The following ROBO2 variants were observed in gnomAD, a reference collection of about 807,000 sequenced individuals.
ROBO2 encodes the protein roundabout guidance receptor 2, also known as roundabout homolog 2.
ROBO2 carries 53 observed loss-of-function variants against 160.8 expected under a neutral mutation model. The ratio of observed to expected loss-of-function variants is 0.33; its 90% CI spans 0.26 to 0.41. ROBO2 has a LOEUF of 0.41. Ranked by LOEUF, ROBO2 falls within the 10% of genes least tolerant of loss-of-function variation. The pLI, the probability that ROBO2 is intolerant of heterozygous loss-of-function variation, is 1.00. For missense variants in ROBO2, 1,577 were observed against 1,722.4 expected (o/e 0.92, Z 1.49); for synonymous variants, 664 against 611.7 (o/e 1.09, Z -1.26).
At chr3:75,920,146 A>G (rs555542123) in intron 1 of ROBO2, among the ~76,000 whole-genome samples, 5 of 152,232 alleles carry the variant, frequency 3.3e-5, no homozygotes, top group African/African-American at 9.6e-5. Context: ...GATCTTTCCC[A>G]CTTTCTGATA....
intron 2 of ROBO2, among the ~76,000 whole-genome samples, chr3:76,687,128 C>T (rs529565851): frequency 2.6e-5 from 4 of 152,060 alleles, no homozygotes; most frequent in South Asian, 4.1e-4. Flanking sequence ...TAGGTAAATA[C>T]GTATTGCAGC....
intron 2 of ROBO2, among the ~76,000 whole-genome samples, chr3:76,628,593 T>A (rs912536377): frequency 2.0e-5 from 3 of 152,180 alleles, no homozygotes; most frequent in African/African-American, 7.2e-5. Flanking sequence ...ACTATCTCAT[T>A]TCATGCCTCT....
upstream of ROBO2, among the ~76,000 whole-genome samples, chr3:77,037,133 G>A (rs1180051933): frequency 6.6e-6 from 1 of 152,042 alleles, no homozygotes; most frequent in East Asian, 1.9e-4. Context: ...ACTCGTTACT[G>A]TTGCTAATTT....
chr3:76,326,805 T>G (rs1195259838), intron 2 of ROBO2, among the ~76,000 whole-genome samples: 1 of 123,338 alleles, frequency 8.1e-6, no homozygotes, highest in East Asian at 2.5e-4. Flanking sequence ...GAGCGTGATG[T>G]TCCCCTTCCT....
intron 1 of ROBO2, among the ~76,000 whole-genome samples, chr3:77,054,179 T>C (rs1222243162): frequency 6.6e-6 from 1 of 152,100 alleles, no homozygotes; most frequent in East Asian, 1.9e-4. Context: ...CTTTTTAGAG[T>C]GAATATAGCA....
intron 2 of ROBO2, among the ~76,000 whole-genome samples, chr3:77,165,963 C>G (rs1159091258): frequency 6.6e-6 from 1 of 152,166 alleles, no homozygotes; most frequent in Non-Finnish European, 1.5e-5. Flanking sequence ...TACTATTTTG[C>G]TGAAGTCTAT....
chr3:77,408,980 T>A (rs1463084622), intron 2 of ROBO2, among the ~76,000 whole-genome samples: 4 of 151,898 alleles, frequency 2.6e-5, no homozygotes, highest in African/African-American at 9.7e-5. Flanking sequence ...GTGATCCTCT[T>A]GCCTCGTCCT....
At chr3:76,396,258 C>T (rs1315441859) in intron 2 of ROBO2, among the ~76,000 whole-genome samples, 2 of 151,974 alleles carry the variant, frequency 1.3e-5, no homozygotes, top group Non-Finnish European at 2.9e-5. Context: ...AAAGGCCTCT[C>T]ACAAAATTCA....
intron 2 of ROBO2, among the ~76,000 whole-genome samples, chr3:77,233,986 T>C (rs1354908159): frequency 6.6e-6 from 1 of 152,226 alleles, no homozygotes; most frequent in African/African-American, 2.4e-5. Flanking sequence ...GATTTATAAA[T>C]ATTCCTGAAG....
intron 2 of ROBO2, among the ~76,000 whole-genome samples, chr3:76,471,955 A>G (rs1258703343): frequency 6.6e-6 from 1 of 152,116 alleles, no homozygotes; most frequent in Non-Finnish European, 1.5e-5. Context: ...GTGACCTCCC[A>G]TCAGGTCCCT....
intron 2 of ROBO2, among the ~76,000 whole-genome samples, chr3:76,386,791 A>G (rs559525319): frequency 1.3e-5 from 2 of 152,264 alleles, no homozygotes; most frequent in African/African-American, 4.8e-5. Context: ...ATGCTTTGCA[A>G]GTTCCAACTG....
At chr3:76,998,525 A>G (rs1463113935) in intron 2 of ROBO2, among the ~76,000 whole-genome samples, 1 of 152,188 alleles carries the variant, frequency 6.6e-6, no homozygotes, top group African/African-American at 2.4e-5. Context: ...ACATACATGT[A>G]ATACTCATAA....
At chr3:76,080,716 CT>C (rs1441395391) in intron 2 of ROBO2, among the ~76,000 whole-genome samples, 1 of 152,138 alleles carries the variant, frequency 6.6e-6, no homozygotes, top group Non-Finnish European at 1.5e-5. Flanking sequence ...GGCAAATTAT[CT>C]GTTAGAATTT....
rs1050304571 is a variant in ROBO2 at position 77,622,342 on chromosome 3, G to A, written c.3670G>A (p.Glu1224Lys). The A allele has an allele frequency of 5.0e-6, 8 of 1,613,908 alleles. No homozygotes were observed. Among genetic ancestry groups the A allele is most frequent in the African/African-American group, 4.0e-5 (3 of 74,908 alleles). Residue 1224 changes from glutamate (E) to lysine (K), a missense_variant, in exon 23 of 26, where the codon GAA (glutamate) becomes AAA (lysine). Coordinates refer to ENST00000461745, the Ensembl canonical transcript of ROBO2. ...TGTTGCAGATGATGATGCCGACGAC[G>A]AAGAGGAAGCTTTAGAAATCCCCAG...
rs539225282 is a variant in ROBO2, at chr3:76,188,639, G to A, written c.109+251037G>A. Among the ~76,000 whole-genome samples, 6 of 152,078 alleles carry A rather than the reference G, an allele frequency of 3.9e-5. No homozygotes were observed. The South Asian group carries it at 1.2e-3, about 32-fold the overall frequency. On this transcript the variant is annotated intron_variant, in intron 2 of 26. Transcript: ENST00000487694. Reference sequence around the variant, plus strand: ...GGAAGCCCTAAGAAATTAATAAAGGGCCTCAAACCCCCATGCTATCTAACC... The same window carrying A: ...GGAAGCCCTAAGAAATTAATAAAGGACCTCAAACCCCCATGCTATCTAACC...
chr3:77,557,698 T>C (rs1224230478), intron 8 of ROBO2, among the ~76,000 whole-genome samples: 1 of 151,978 alleles, frequency 6.6e-6, no homozygotes, highest in Non-Finnish European at 1.5e-5. Flanking sequence ...TAATTATAGG[T>C]AATGCAGAGG....
chr3:77,294,907 G>A (rs984731102), intron 2 of ROBO2, among the ~76,000 whole-genome samples: 2 of 151,670 alleles, frequency 1.3e-5, no homozygotes, highest in Non-Finnish European at 2.9e-5. Flanking sequence ...GGTAAGCTGA[G>A]GCTAGATCAC....
chr3:77,143,854 A>C (rs548029202), intron 2 of ROBO2, among the ~76,000 whole-genome samples: 4 of 151,732 alleles, frequency 2.6e-5, no homozygotes, highest in African/African-American at 9.7e-5. Context: ...TATTTTTACC[A>C]TACTGGTGTG....
intron 2 of ROBO2, among the ~76,000 whole-genome samples, chr3:76,021,368 A>G (rs2066570076): frequency 6.6e-6 from 1 of 151,838 alleles, no homozygotes. Flanking sequence ...ACCAATAACA[A>G]GATAGAACAA....
Sources: allele counts gnomAD v4.1 joint callset (sites outside exome capture counted in the v4.1 genomes callset), GRCh38; gene constraint gnomAD v4.1.1; transcripts MANE v1.5; gene names NCBI Gene and HGNC (gene_info 2026-07-23, HGNC 2026-07-21).